TF: variants seen among roughly 807,000 people sequenced by gnomAD.
TF encodes the protein serotransferrin.
In TF, 55 loss-of-function variants were observed where a neutral mutation model predicts 82.4. The ratio of observed to expected loss-of-function variants is 0.67; its 90% CI spans 0.54 to 0.84. The LOEUF (loss-of-function observed/expected upper bound fraction) is 0.84, where lower values mean the gene tolerates loss of function less well. Among genes scored for constraint, TF ranks in the 40% least tolerant of loss-of-function variants. The probability of loss-of-function intolerance (pLI) is 0.00; values close to 1 mark genes in which losing one functional copy is unlikely to be tolerated. For missense variants in TF, 737 were observed against 868.4 expected (o/e 0.85, Z 1.90); for synonymous variants, 332 against 332.6 (o/e 1.00, Z 0.02).
chr3:133,776,731 A>G (rs1412927870), intron 15 of TF, among the ~76,000 whole-genome samples: 1 of 152,090 alleles, frequency 6.6e-6, no homozygotes, highest in African/African-American at 2.4e-5. Context: ...CTCATTTCCT[A>G]TAAGCAGCCC....
rs371887055 is a variant in TF, at chr3:133,790,662, A to G, written c.*12042A>G. 22 of 152,362 alleles carry G rather than the reference A, an allele frequency of 1.4e-4. 1 individual carries two copies. Among genetic ancestry groups the G allele is most frequent in the East Asian group, 3.9e-4 (2 of 5,188 alleles). The allele number at this position is 152,362 out of a possible 1,614,324, so 9.4% of individuals were successfully genotyped here. On this transcript the variant is annotated 3_prime_UTR_variant, in exon 17 of 17. Coordinates refer to ENST00000402696, the MANE Select transcript of TF (RefSeq NM_001063.4). ...AAAGAAATGCATCGGCAGTTTGGCA[A>G]TTCCTTTTTACTATAGTTAAGCATG...
chr3:133,756,977 G>A lies in TF; in HGVS notation c.838G>A (p.Asp280Asn), dbSNP rs542696572. The A allele has an allele frequency of 8.7e-6, 14 of 1,614,144 alleles. No homozygotes were observed. Among genetic ancestry groups the A allele is most frequent in the Non-Finnish European group, 1.2e-5 (14 of 1,180,012 alleles). ...GGCCCGAAGTATGGGCGGCAAGGAG[G>A]ACTTGATCTGGGAGCTTCTCAACCA... ...VVARSMGGKE[D>N]LIWELLNQAQ... The change falls in exon 7 of 17, where the codon GAC becomes AAC. Residue 280 changes from aspartate to asparagine, a missense_variant. By Grantham distance (23) the Asp-to-Asn change is conservative. Coordinates refer to ENST00000402696, the MANE Select transcript of TF (RefSeq NM_001063.4).
chr3:133,751,229 C>CTTT (rs59638732), intron 2 of TF, among the ~76,000 whole-genome samples: 3 of 95,984 alleles, frequency 3.1e-5, no homozygotes, highest in South Asian at 3.9e-4. Context: ...TAAGATTCCA[C>CTTT]TTTTTTTTTT....
the TF span, among the ~76,000 whole-genome samples, chr3:133,686,017 A>G: frequency 2.0e-5 from 3 of 152,232 alleles, no homozygotes; most frequent in Non-Finnish European, 4.4e-5. Flanking sequence ...CCAATGGAAG[A>G]GAACAGAGTC....
At position 133,748,583 on chromosome 3, in the gene TF, C is replaced by CT; in HGVS notation, c.215_216insT (p.Ala73GlyfsTer16). The CT allele has an allele frequency of 6.2e-7, 1 of 1,614,006 alleles. No homozygotes were observed. ...TACCTTGATTGCATCAGGGCCATTG[C>CT]GGTAAGTCGCTGCTGCCTAAAAGAG... On this transcript the variant is annotated frameshift_variant and splice_region_variant, in exon 2 of 17. Coordinates refer to ENST00000402696, the MANE Select transcript of TF (RefSeq NM_001063.4). LOFTEE classifies it high-confidence loss of function.
chr3:133,765,001 G>GT (rs1379282997), intron 11 of TF, 94 bp downstream of exon 11: 15 of 1,263,950 alleles, frequency 1.2e-5, no homozygotes, highest in Admixed American at 3.5e-5. Context: ...ATAAGGTGCT[G>GT]TAAGAGACCA....
At chr3:133,702,581 A>G in the TF span, among the ~76,000 whole-genome samples, 1 of 151,448 alleles carries the variant, frequency 6.6e-6, no homozygotes, top group African/African-American at 2.4e-5. Flanking sequence ...ATCATTCACA[A>G]CTTCATCACT....
the TF span, among the ~76,000 whole-genome samples, chr3:133,719,932 G>T: frequency 1.3e-5 from 2 of 152,164 alleles, no homozygotes; most frequent in African/African-American, 2.4e-5. Flanking sequence ...AAATGATACT[G>T]ATTTTTGTAT....
At chr3:133,746,209 TC>T, upstream of TF, 1 of 613,062 alleles carries the variant, frequency 1.6e-6, no homozygotes, top group Admixed American at 2.5e-5. Flanking sequence ...TGTGCTGGAC[TC>T]CTTCCACTCG....
the TF span, among the ~76,000 whole-genome samples, chr3:133,681,560 A>C: frequency 2.6e-5 from 4 of 152,228 alleles, no homozygotes; most frequent in Admixed American, 6.5e-5. Context: ...TATATCCCAC[A>C]CATGGCTCAG....
chr3:133,756,350 C>A lies in TF; in HGVS notation c.691+13C>A, dbSNP rs757604265. 1.2e-6 allele frequency: 2 copies of A among 1,613,842 alleles called. No individual in the cohort carries two copies. Among genetic ancestry groups the A allele is most frequent in the Non-Finnish European group, 1.7e-6 (2 of 1,179,858 alleles). ...TCGACTATATTTGGTAAGAATGGGA[C>A]AAGAATCCACCAGGGCCACTCCAAG... On this transcript the variant is annotated intron_variant, in intron 6 of 16. Coordinates refer to ENST00000402696, the MANE Select transcript of TF (RefSeq NM_001063.4).
the TF span, among the ~76,000 whole-genome samples, chr3:133,728,728 C>T: frequency 2.6e-5 from 4 of 152,216 alleles, no homozygotes; most frequent in African/African-American, 9.7e-5. Context: ...AGGAGAGGCA[C>T]TCTGCTTTTT....
Position 133,766,360 on chromosome 3 carries a change from G to A in TF, c.1413G>A (p.Thr471=), listed in dbSNP as rs1197113195. The A allele has an allele frequency of 4.3e-6, 7 of 1,614,212 alleles. No individual in the cohort carries two copies. Among genetic ancestry groups the A allele is most frequent in the African/African-American group, 2.7e-5 (2 of 75,056 alleles). Residue 471 remains threonine (T), a synonymous_variant, in exon 12 of 17, where the codon ACG becomes ACA. Transcript: ENST00000402696. ...DNLKGKKSCH[T]AVGRTAGWNI... ...TGAAAGGCAAGAAGTCCTGCCATAC[G>A]GCAGTTGGCAGAACCGCTGGCTGGA...
chr3:133,669,258 T>A, the TF span, among the ~76,000 whole-genome samples: 1 of 152,146 alleles, frequency 6.6e-6, no homozygotes, highest in Admixed American at 6.5e-5. Flanking sequence ...CACCTAGGCC[T>A]CCCAAAGTGC....
At chr3:133,749,779 A>G (rs886671590) in intron 2 of TF, among the ~76,000 whole-genome samples, 1 of 152,222 alleles carries the variant, frequency 6.6e-6, no homozygotes, top group Non-Finnish European at 1.5e-5. Context: ...GGCAGTGACA[A>G]TAGGTTTCAT....
chr3:133,677,287 A>C, the TF span, among the ~76,000 whole-genome samples: 27,546 of 152,160 alleles, frequency 0.18, 2,664 homozygotes, highest in African/African-American at 0.22. Context: ...TGAGTGACCT[A>C]GTCTAGGTTA....
At chr3:133,664,569 C>G in the TF span, among the ~76,000 whole-genome samples, 1 of 152,188 alleles carries the variant, frequency 6.6e-6, no homozygotes, top group Non-Finnish European at 1.5e-5. Flanking sequence ...ATCCACCTGA[C>G]TCAGCCTCCC....
chr3:133,687,362 T>A, the TF span, among the ~76,000 whole-genome samples: 1 of 152,144 alleles, frequency 6.6e-6, no homozygotes, highest in Non-Finnish European at 1.5e-5. Flanking sequence ...AAAAAGATAC[T>A]GACTAAATCA....
rs2107943168 is a variant in TF at position 133,784,604 on chromosome 3, T to G, written c.*5984T>G. On this transcript the variant is annotated 3_prime_UTR_variant, in exon 17 of 17. Transcript: ENST00000402696. ...GAGCCACACATCCACGTTTATTAAGTGAGTTAGAGCAGGAGTCCCCAACCC... is the reference window on the plus strand; with the variant it reads ...GAGCCACACATCCACGTTTATTAAGGGAGTTAGAGCAGGAGTCCCCAACCC... The G allele has an allele frequency of 6.6e-6, 1 of 152,080 alleles. No homozygotes were observed. The highest frequency in any genetic ancestry group is 1.9e-4 in the East Asian group (1 of 5,184). The allele number at this position is 152,080 out of a possible 1,614,324, so 9.4% of individuals were successfully genotyped here. A position where few individuals can be genotyped will look rare whatever the true frequency, so the allele number is the denominator to read the frequency against.
Sources: gnomAD v4.1 joint callset for allele counts (sites outside exome capture counted in the v4.1 genomes callset) on GRCh38, gnomAD v4.1.1 for gene constraint, MANE v1.5 for transcripts, NCBI Gene and HGNC (gene_info 2026-07-23, HGNC 2026-07-21) for gene names.